Variants in MED12L observed in about 807,000 individuals in gnomAD.
The protein encoded by MED12L is mediator complex subunit 12L.
A neutral mutation model predicts 281.3 loss-of-function variants in MED12L; 60 were observed. The ratio of observed to expected loss-of-function variants is 0.21; its 90% CI spans 0.17 to 0.26. The LOEUF (loss-of-function observed/expected upper bound fraction) is 0.26. Among genes scored for constraint, MED12L ranks in the 10% least tolerant of loss-of-function variants. MED12L has a pLI of 1.00. For synonymous variants in MED12L, 974 were observed against 987.2 expected (o/e 0.99, Z 0.25); for missense variants, 2,146 against 2,680.9 (o/e 0.80, Z 4.41).
intron 43 of MED12L, among the ~76,000 whole-genome samples, chr3:151,421,398 GTT>G (rs59213541): frequency 0.5 from 72,462 of 145,132 alleles, 18,240 homozygotes; most frequent in Middle Eastern, 0.58. Context: ...GCTTTACTGT[GTT>G]TTTTTTTTTT....
intron 16 of MED12L, chr3:151,199,182 C>T (rs1165702517): frequency 6.8e-6 from 11 of 1,614,044 alleles, no homozygotes; most frequent in Non-Finnish European, 8.5e-6. Flanking sequence ...ACAATTTTCA[C>T]TGGTAATGCC....
chr3:151,153,454 C>G (rs903152087), intron 5 of MED12L, among the ~76,000 whole-genome samples: 9 of 152,050 alleles, frequency 5.9e-5, no homozygotes, highest in African/African-American at 1.9e-4. Context: ...TAGAACTGCT[C>G]TACTTTCAGA....
chr3:151,360,551 A>T lies in MED12L; in HGVS notation c.2903A>T (p.Tyr968Phe). The change falls in exon 21 of 45, where the codon TAT (tyrosine) becomes TTT (phenylalanine). Residue 968 changes from tyrosine (Y) to phenylalanine (F), a missense_variant. Physicochemically the swap from Tyr to Phe is conservative, Grantham distance 22. This residue lies in a region of MED12L where 404 missense variants were observed against 603.5 expected (regional missense o/e 0.67). Transcript: ENST00000687756. ...GAAAGATGCATTTTAGCCTACCTCT[A>T]TGATCTCTATGTGTCATGTAGCCAC... ...SPERCILAYL[Y>F]DLYVSCSHLR... The T allele has an allele frequency of 6.2e-7, 1 of 1,612,880 alleles. No individual in the cohort carries two copies. Among genetic ancestry groups the T allele is most frequent in the Non-Finnish European group, 8.5e-7 (1 of 1,179,106 alleles).
intron 16 of MED12L, chr3:151,213,824 T>G: frequency 6.2e-7 from 1 of 1,614,138 alleles, no homozygotes; most frequent in East Asian, 2.2e-5. Context: ...GTAACCTCCC[T>G]AACACTCTGG....
At chr3:151,267,102 G>C (rs1739987185) in intron 16 of MED12L, among the ~76,000 whole-genome samples, 1 of 152,194 alleles carries the variant, frequency 6.6e-6, no homozygotes, top group African/African-American at 2.4e-5. Flanking sequence ...TTGCGTGTTA[G>C]AACTCCTTAC....
At chr3:151,142,121 T>G (rs1339415872) in intron 5 of MED12L, among the ~76,000 whole-genome samples, 1 of 152,224 alleles carries the variant, frequency 6.6e-6, no homozygotes, top group Non-Finnish European at 1.5e-5. Flanking sequence ...CTAGTTTTCT[T>G]GAAAATTCTC....
chr3:151,210,253 G>A (rs1726946477), intron 16 of MED12L, among the ~76,000 whole-genome samples: 1 of 152,214 alleles, frequency 6.6e-6, no homozygotes, highest in African/African-American at 2.4e-5. Context: ...GTTATGGCTG[G>A]CCCCTTATGT....
In MED12L at chr3:151,193,529, A is replaced by G. The variant is rs2149108016; in HGVS notation, c.2113A>G (p.Asn705Asp). 1.9e-6 allele frequency: 3 copies of G among 1,614,024 alleles called. No individual in the cohort carries two copies. In the East Asian group the frequency reaches 6.7e-5, roughly 36 times the overall value. ...GCCTGGAGAATCCTGTGAGAATGCC[A>G]ACACTTCGTTGGGCAGAAGAATGTC... ...PMPGESCENA[N>D]TSLGRRMSVN... Residue 705 changes from asparagine to aspartate, a missense_variant, in exon 16 of 45, where the codon AAC becomes GAC. Asn to Asp is a conservative substitution (Grantham distance 23). Around this residue, in one of 9 missense-constraint regions of MED12L, gnomAD observed 722 missense variants for 861.2 expected, o/e 0.84. Transcript: ENST00000687756.
intron 16 of MED12L, among the ~76,000 whole-genome samples, chr3:151,206,640 A>ATATTTTTTTT: frequency 6.2e-5 from 1 of 16,026 alleles, no homozygotes; most frequent in Admixed American, 8.7e-4. Context: ...CTAACACATT[A>ATATTTTTTTT]TCTTTTTTTT....
At chr3:151,411,586 A>G in intron 41 of MED12L, 79 bp downstream of exon 41, 1 of 1,264,492 alleles carries the variant, frequency 7.9e-7, no homozygotes, top group Non-Finnish European at 1.1e-6. Flanking sequence ...AGGGCATGGT[A>G]CTTTATCATT....
chr3:151,170,259 ATTTCTTTT>A (rs1721256420), intron 11 of MED12L, among the ~76,000 whole-genome samples: 1 of 145,536 alleles, frequency 6.9e-6, no homozygotes, highest in Admixed American at 6.9e-5. Context: ...GGAATGCACT[ATTTCTTTT>A]TTTCTTTTTC....
At chr3:151,132,088 A>G (rs1470300760) in intron 5 of MED12L, among the ~76,000 whole-genome samples, 1 of 152,222 alleles carries the variant, frequency 6.6e-6, no homozygotes, top group Non-Finnish European at 1.5e-5. Context: ...AGTGCCTATA[A>G]TAATATTTCT....
intron 36 of MED12L, among the ~76,000 whole-genome samples, chr3:151,387,081 A>G (rs1011788081): frequency 6.6e-6 from 1 of 152,246 alleles, no homozygotes; most frequent in Non-Finnish European, 1.5e-5. Flanking sequence ...CTTACATCTT[A>G]GGGAATGACT....
In MED12L at chr3:151,234,570, T is replaced by C. The variant is rs548895594; in HGVS notation, c.2250+40904T>C. 6.8e-4 allele frequency among the ~76,000 whole-genome samples: 103 copies of C among 152,328 alleles called. 1 individual carries two copies. The highest frequency in any genetic ancestry group is 3.4e-3 in the Middle Eastern group (1 of 294). ...CATAGTAGGTGCTGTATAAACTTTC[T>C]GATGAATGACCAAAAATATCCTTAT... On this transcript the variant is annotated intron_variant, in intron 16 of 44. Transcript: ENST00000687756.
chr3:151,358,188 G>A (rs571286495), intron 20 of MED12L, among the ~76,000 whole-genome samples: 121 of 152,160 alleles, frequency 8.0e-4, no homozygotes, highest in Admixed American at 4.6e-3. Context: ...GCTATTCTGG[G>A]AAAGAGGAAA....
In MED12L at chr3:151,390,061, C is replaced by G; in HGVS notation, c.5534C>G (p.Thr1845Ser). Residue 1845 changes from threonine (T) to serine (S), a missense_variant, in exon 38 of 45, where the codon ACC (threonine) becomes AGC (serine). By Grantham distance (58) the Thr-to-Ser change is moderately conservative. Transcript: ENST00000687756. ...CAAATGATGCACCATCCACAGTCCA[C>G]CTTGTGGGGTTACAACCTCGTGGGC... is the stretch of plus-strand genomic sequence containing the variant. ...SSQMMHHPQS[T>S]LWGYNLVGQP... is the part of the protein sequence containing the mutation. The G allele has an allele frequency of 6.2e-7, 1 of 1,614,106 alleles. No individual in the cohort carries two copies. Among genetic ancestry groups the G allele is most frequent in the East Asian group, 2.2e-5 (1 of 44,876 alleles).
intron 16 of MED12L, among the ~76,000 whole-genome samples, chr3:151,242,241 G>T (rs987715163): frequency 6.6e-6 from 1 of 152,270 alleles, no homozygotes; most frequent in Non-Finnish European, 1.5e-5. Flanking sequence ...AAACAAAGCA[G>T]CCGGGAAGCT....
At chr3:151,349,100 T>C (rs1412422843) in intron 16 of MED12L, among the ~76,000 whole-genome samples, 2 of 152,198 alleles carry the variant, frequency 1.3e-5, no homozygotes, top group African/African-American at 2.4e-5. Context: ...AAATGGAAGA[T>C]TATAAGATCC....
intron 16 of MED12L, among the ~76,000 whole-genome samples, chr3:151,222,974 T>C (rs1157328031): frequency 6.6e-6 from 1 of 152,208 alleles, no homozygotes; most frequent in African/African-American, 2.4e-5. Context: ...TGGTATTTTA[T>C]ACCTATTTGA....
Sources: allele counts gnomAD v4.1 joint callset (sites outside exome capture counted in the v4.1 genomes callset), GRCh38; gene constraint gnomAD v4.1.1; regional missense constraint gnomAD v4.1.1; transcripts MANE v1.5; gene names NCBI Gene and HGNC (gene_info 2026-07-23, HGNC 2026-07-21).